Variants in HSPG2 observed in about 807,000 individuals in gnomAD.
HSPG2 encodes the protein basement membrane-specific heparan sulfate proteoglycan core protein.
A neutral mutation model predicts 526.6 loss-of-function variants in HSPG2; 278 were observed. The observed-to-expected ratio is 0.53, with a 90% confidence interval of 0.48 to 0.58. The LOEUF is 0.58. HSPG2 is among the 20% of genes least tolerant of loss of function. The pLI is 0.00. For missense variants in HSPG2, 5,354 were observed against 6,099.5 expected (o/e 0.88, Z 4.07); for synonymous variants, 2,465 against 2,555.4 (o/e 0.96, Z 1.07).
At chr1:21,924,249 G>A (rs987427165) in intron 1 of HSPG2, among the ~76,000 whole-genome samples, 2 of 152,190 alleles carry the variant, frequency 1.3e-5, no homozygotes, top group African/African-American at 2.4e-5. Context: ...TGCCTCCAGC[G>A]TCACCAGACA....
Position 21,829,555 on chromosome 1 carries a change from T to A in HSPG2, c.11820A>T (p.Ala3940=), listed in dbSNP as rs1461026245. ...GGTGTGTGTTGGTGAGGGCGGGCAG[T>A]GCCAGGTAGGAGCCAGCACCCGACA... ...PSLSGAGSYL[A]LPALTNTHHE... Residue 3940 remains alanine, a synonymous_variant, in exon 87 of 97, where the codon GCA becomes GCT. Coordinates refer to ENST00000374695, the MANE Select transcript of HSPG2 (RefSeq NM_005529.7). 2 of 1,611,324 alleles carry A rather than the reference T, an allele frequency of 1.2e-6. No homozygotes were observed. The highest frequency in any genetic ancestry group is 1.7e-6 in the Non-Finnish European group (2 of 1,178,738).
At chr1:21,920,988 A>T (rs1644023169) in intron 1 of HSPG2, among the ~76,000 whole-genome samples, 1 of 152,076 alleles carries the variant, frequency 6.6e-6, no homozygotes, top group Non-Finnish European at 1.5e-5. Flanking sequence ...GGCCATTGTC[A>T]CCCTGGTTAC....
Position 21,859,667 on chromosome 1 carries a change from A to G in HSPG2, c.5192T>C (p.Leu1731Pro). The change falls in exon 42 of 97, where the codon CTC becomes CCC. Residue 1731 changes from leucine to proline, a missense_variant. By Grantham distance (98) the Leu-to-Pro change is moderately conservative. Coordinates refer to ENST00000374695, the MANE Select transcript of HSPG2 (RefSeq NM_005529.7). The surrounding 1 kb of genome is among the most constrained non-coding windows in gnomAD (Gnocchi z 5.3). Reference sequence around the variant, plus strand: ...CGAGGGCTGGACGCTGGGGAAGTGGAGCTCGGAGCCTGGTGGGGAGGAGAC... The same window carrying G: ...CGAGGGCTGGACGCTGGGGAAGTGGGGCTCGGAGCCTGGTGGGGAGGAGAC... The part of the protein sequence containing the change: ...GTQQRHQGSE[L>P]HFPSVQPSDA... 1 of 1,607,880 alleles carries G rather than the reference A, an allele frequency of 6.2e-7. No homozygotes were observed.
At chr1:21,917,474 T>G (rs1192681080) in intron 1 of HSPG2, among the ~76,000 whole-genome samples, 2 of 126,666 alleles carry the variant, frequency 1.6e-5, no homozygotes, top group Non-Finnish European at 3.3e-5. Context: ...AATAAATAAA[T>G]AAATAAATAA....
chr1:21,839,303 T>G lies in HSPG2; in HGVS notation c.9889+68A>C. 1.3e-6 allele frequency: 2 copies of G among 1,563,066 alleles called. No homozygotes were observed. The highest frequency in any genetic ancestry group is 1.7e-6 in the Non-Finnish European group (2 of 1,145,458). On this transcript the variant is annotated intron_variant, in intron 73 of 96. Transcript: ENST00000374695. This position sits in a 1 kb window ranked among gnomAD's most constrained non-coding sequence, Gnocchi z 4.5. ...TGGATGGGGTTCCTGGGGTTCTGTG[T>G]GGGGTGGAGCCTAGTCGGGGGGCTC...
In HSPG2 at chr1:21,878,415, G is replaced by A; in HGVS notation, c.2617+18C>T. On this transcript the variant is annotated intron_variant, in intron 20 of 96. Coordinates refer to ENST00000374695, the MANE Select transcript of HSPG2 (RefSeq NM_005529.7). ...GGTTGGGAGGTGGGTGTCAGGGGAT[G>A]GTGGCAGCCATACTCACTGACGGGC... 1 of 1,596,842 alleles carries A rather than the reference G, an allele frequency of 6.3e-7. No individual in the cohort carries two copies. The highest frequency in any genetic ancestry group is 8.5e-7 in the Non-Finnish European group (1 of 1,169,980).
Position 21,880,160 on chromosome 1 carries a change from A to C in HSPG2, c.2290T>G (p.Cys764Gly). The C allele has an allele frequency of 6.2e-7, 1 of 1,614,080 alleles. No individual in the cohort carries two copies. The highest frequency in any genetic ancestry group is 8.5e-7 in the Non-Finnish European group (1 of 1,179,946). ...GGPYLGTCSG[C>G]NCNGHASSCD... ...GAGCTGGCATGGCCATTGCAATTGC[A>C]ACCAGAGCAGGTGCCCAGGTAGGGC... Residue 764 changes from cysteine (C) to glycine (G), a missense_variant, in exon 17 of 97, where the codon TGC (cysteine) becomes GGC (glycine). Coordinates refer to ENST00000374695, the MANE Select transcript of HSPG2 (RefSeq NM_005529.7).
At position 21,823,399 on chromosome 1, in the gene HSPG2, G is replaced by T; in HGVS notation, c.13093C>A (p.Arg4365=). ...CVKNLVLHSA[R]PGAPPPQPLD... is the part of the protein sequence containing the mutation. ...GGCTGTGGGGGCGGGGCGCCGGGTCGGGCCGAGTGCAGCACCAGGTTCTTG... is the reference window on the plus strand; with the variant it reads ...GGCTGTGGGGGCGGGGCGCCGGGTCTGGCCGAGTGCAGCACCAGGTTCTTG... The change falls in exon 97 of 97, where the codon CGA becomes AGA. Residue 4365 remains arginine, a synonymous_variant. Coordinates refer to ENST00000374695, the MANE Select transcript of HSPG2 (RefSeq NM_005529.7). The T allele has an allele frequency of 1.3e-6, 2 of 1,567,264 alleles. No homozygotes were observed. Among genetic ancestry groups the T allele is most frequent in the Non-Finnish European group, 1.7e-6 (2 of 1,161,260 alleles).
In HSPG2 at chr1:21,855,383, A is replaced by T; in HGVS notation, c.5918T>A (p.Val1973Asp). Residue 1973 changes from valine to aspartate, a missense_variant, in exon 47 of 97, where the codon GTC becomes GAC. By Grantham distance (152) the Val-to-Asp change is radical. Coordinates refer to ENST00000374695, the MANE Select transcript of HSPG2 (RefSeq NM_005529.7). Reference protein sequence around the residue: ...ERTQVHAGRTVRLYCRAAGVP... With the variant: ...ERTQVHAGRTDRLYCRAAGVP... ...GCCTGCAGCCCTGCAGTACAGCCTGACGGTGCGGCCTGCGTGGACCTGGGT... is the reference window on the plus strand; with the variant it reads ...GCCTGCAGCCCTGCAGTACAGCCTGTCGGTGCGGCCTGCGTGGACCTGGGT... 2 of 1,612,800 alleles carry T rather than the reference A, an allele frequency of 1.2e-6. No homozygotes were observed. Among genetic ancestry groups the T allele is most frequent in the Non-Finnish European group, 8.5e-7 (1 of 1,179,752 alleles).
In HSPG2 at chr1:21,926,778, AAAAAAAAAAAG is replaced by A. The variant is rs1483504284; in HGVS notation, c.63+10366_63+10376del. Among the ~76,000 whole-genome samples, 35 of 148,672 alleles carry A rather than the reference AAAAAAAAAAAG, an allele frequency of 2.4e-4. 1 individual carries two copies. Among genetic ancestry groups the A allele is most frequent in the Admixed American group, 5.4e-4 (8 of 14,772 alleles). Reference sequence around the variant, plus strand: ...CTCAGTCTCAAAAAAAAAAAAAAAAAAAAAAAAAAAGAGAGAAAGAAAATGATAGAGTAGAG... The same window carrying A: ...CTCAGTCTCAAAAAAAAAAAAAAAAAAGAGAAAGAAAATGATAGAGTAGAG... On this transcript the variant is annotated intron_variant, in intron 1 of 96. Coordinates refer to ENST00000374695, the MANE Select transcript of HSPG2 (RefSeq NM_005529.7).
chr1:21,920,917 CAT>C (rs1569608898), intron 1 of HSPG2, among the ~76,000 whole-genome samples: 1 of 152,090 alleles, frequency 6.6e-6, no homozygotes, highest in East Asian at 1.9e-4. Flanking sequence ...CCTCTTCAAA[CAT>C]GTGTCTGGGA....
chr1:21,926,714 A>G (rs1424211030), intron 1 of HSPG2, among the ~76,000 whole-genome samples: 6 of 141,500 alleles, frequency 4.2e-5, no homozygotes, highest in African/African-American at 1.6e-4. Flanking sequence ...GTGAGCCGAG[A>G]TCGCACCACT....
chr1:21,826,210 T>C (rs2097973516), intron 91 of HSPG2, among the ~76,000 whole-genome samples: 1 of 151,990 alleles, frequency 6.6e-6, no homozygotes, highest in Admixed American at 6.6e-5. Flanking sequence ...GCTGGGACCA[T>C]AGCCATGTGC....
At chr1:21,877,317 A>C (rs1286617651) in intron 21 of HSPG2, among the ~76,000 whole-genome samples, 1 of 151,626 alleles carries the variant, frequency 6.6e-6, no homozygotes, top group Middle Eastern at 3.2e-3. Flanking sequence ...AACTCCCCTA[A>C]GGACCTTGAG....
intron 1 of HSPG2, among the ~76,000 whole-genome samples, chr1:21,899,750 G>T (rs1018346025): frequency 6.6e-6 from 1 of 152,224 alleles, no homozygotes; most frequent in Non-Finnish European, 1.5e-5. Flanking sequence ...GGCTGAGGAG[G>T]TATGAATGCT....
chr1:21,878,454 C>A lies in HSPG2; in HGVS notation c.2596G>T (p.Gly866Cys). 6.2e-7 allele frequency: 1 copy of A among 1,608,316 alleles called. No individual in the cohort carries two copies. Among genetic ancestry groups the A allele is most frequent in the Non-Finnish European group, 8.5e-7 (1 of 1,176,434 alleles). The change falls in exon 20 of 97, where the codon GGC (glycine) becomes TGC (cysteine). Residue 866 changes from glycine to cysteine, a missense_variant. By Grantham distance (159) the Gly-to-Cys change is radical. Transcript: ENST00000374695. ...PGYEGNPIQP[G>C]GKCRPVNQEI... ...TCACTGACGGGCCTGCACTTCCCGC[C>A]GGGCTGGATGGGGTTGCCCTCGTAT...
At chr1:21,879,905 G>A (rs1393760090) in intron 17 of HSPG2, among the ~76,000 whole-genome samples, 2 of 152,148 alleles carry the variant, frequency 1.3e-5, no homozygotes, top group Admixed American at 6.5e-5. Flanking sequence ...CACCCATCTA[G>A]GCTTCCCAAA....
intron 14 of HSPG2, 53 bp downstream of exon 14, chr1:21,881,286 C>G: frequency 6.3e-7 from 1 of 1,596,740 alleles, no homozygotes; most frequent in Admixed American, 1.7e-5. Context: ...GCAGAAGGAG[C>G]AGAGCCCACA....
At chr1:21,840,334 C>A (rs554145970) in intron 71 of HSPG2, among the ~76,000 whole-genome samples, 88 of 152,036 alleles carry the variant, frequency 5.8e-4, no homozygotes, top group African/African-American at 2.0e-3. Flanking sequence ...TTTTGAGGGT[C>A]TTGCTCTGTC....
Sources: gnomAD v4.1 joint callset for allele counts (sites outside exome capture counted in the v4.1 genomes callset) on GRCh38, gnomAD v4.1.1 for gene constraint, Gnocchi (gnomAD v3.1) non-coding constraint, MANE v1.5 for transcripts, NCBI Gene and HGNC (gene_info 2026-07-23, HGNC 2026-07-21) for gene names.